UBAP2L: variants seen among roughly 807,000 people sequenced by gnomAD.
UBAP2L encodes ubiquitin-associated protein 2-like.
A neutral mutation model predicts 130.6 loss-of-function variants in UBAP2L; 12 were observed. The observed-to-expected ratio is 0.09, with a 90% confidence interval of 0.06 to 0.15. The LOEUF is 0.15. UBAP2L is among the 10% of genes least tolerant of loss of function. The pLI is 1.00. For missense variants in UBAP2L, 965 were observed against 1,332.5 expected (o/e 0.72, Z 4.29); for synonymous variants, 503 against 524.7 (o/e 0.96, Z 0.57).
chr1:154,245,491 TTG>T (rs1157871321), intron 10 of UBAP2L, among the ~76,000 whole-genome samples: 2 of 152,204 alleles, frequency 1.3e-5, no homozygotes, highest in Non-Finnish European at 2.9e-5. Flanking sequence ...CTAAAGCCAT[TTG>T]AAGATTCCAG....
Position 154,257,199 on chromosome 1 carries a change from G to C in UBAP2L, c.2294G>C (p.Ser765Thr), listed in dbSNP as rs147288097. 3.9e-5 allele frequency: 63 copies of C among 1,614,096 alleles called. No individual in the cohort carries two copies. The highest frequency in any genetic ancestry group is 5.3e-5 in the Non-Finnish European group (63 of 1,180,054). Reference sequence around the variant, plus strand: ...AATAGTGGCAGTAGCCTGGGCCTCAGCCTAGGCAGCAACTCCACTGTCACA... The same window carrying C: ...AATAGTGGCAGTAGCCTGGGCCTCACCCTAGGCAGCAACTCCACTGTCACA... ...SLNSGSSLGL[S>T]LGSNSTVTAS... Residue 765 changes from serine (S) to threonine (T), a missense_variant, in exon 19 of 27, where the codon AGC becomes ACC. Transcript: ENST00000428931.
intron 10 of UBAP2L, among the ~76,000 whole-genome samples, chr1:154,245,163 T>C (rs1340255509): frequency 1.3e-5 from 2 of 152,250 alleles, no homozygotes; most frequent in Non-Finnish European, 2.9e-5. Flanking sequence ...TGACTTCAAG[T>C]ATCCGCCTGC....
intron 15 of UBAP2L, 136 bp downstream of exon 15, chr1:154,254,225 A>T (rs932375302): frequency 2.5e-6 from 2 of 799,904 alleles, no homozygotes; most frequent in African/African-American, 3.6e-5. Flanking sequence ...AAAAAGGCAC[A>T]CATCTGTGGC....
chr1:154,243,187 C>G (rs1459084997), intron 9 of UBAP2L, 30 bp from the exon 10 acceptor site: 1 of 1,587,986 alleles, frequency 6.3e-7, no homozygotes, highest in East Asian at 2.2e-5. Flanking sequence ...ATCCCTGACA[C>G]CAAGAGTGAC....
At chr1:154,245,017 C>T (rs1265091752) in intron 10 of UBAP2L, among the ~76,000 whole-genome samples, 4 of 151,960 alleles carry the variant, frequency 2.6e-5, no homozygotes, top group African/African-American at 9.7e-5. Flanking sequence ...CTGCAACCTC[C>T]GCCTCCCAGG....
chr1:154,234,463 A>G (rs1378262313), intron 4 of UBAP2L, 128 bp from the exon 5 acceptor site: 2 of 885,018 alleles, frequency 2.3e-6, no homozygotes, highest in Non-Finnish European at 3.5e-6. Flanking sequence ...AAAGCAAACT[A>G]ATGGAAGTGT....
chr1:154,220,233 G>A (rs932473761), upstream of UBAP2L: 19 of 1,356,268 alleles, frequency 1.4e-5, 1 homozygote, highest in South Asian at 2.0e-4. Flanking sequence ...GTCAAAGCCC[G>A]GATAGGCGCA....
intron 7 of UBAP2L, 114 bp downstream of exon 7, chr1:154,236,725 T>A: frequency 9.1e-7 from 1 of 1,102,390 alleles, no homozygotes; most frequent in Non-Finnish European, 1.4e-6. Context: ...TATGGGGACT[T>A]AGGGCTCATT....
intron 25 of UBAP2L, 123 bp from the exon 26 acceptor site, chr1:154,268,634 G>A: frequency 1.1e-6 from 1 of 899,574 alleles, no homozygotes; most frequent in Non-Finnish European, 1.8e-6. Context: ...GTGACTTCAA[G>A]TGTACTGTGC....
intron 10 of UBAP2L, among the ~76,000 whole-genome samples, chr1:154,245,253 A>G (rs1208903341): frequency 6.6e-6 from 1 of 152,152 alleles, no homozygotes; most frequent in African/African-American, 2.4e-5. Flanking sequence ...ACCAACCCTC[A>G]TCCTGAAACT....
At position 154,251,637 on chromosome 1, in the gene UBAP2L, T is replaced by A; in HGVS notation, c.1648T>A (p.Tyr550Asn). 1 of 1,614,034 alleles carries A rather than the reference T, an allele frequency of 6.2e-7. No homozygotes were observed. The highest frequency in any genetic ancestry group is 8.5e-7 in the Non-Finnish European group (1 of 1,179,990). The change falls in exon 14 of 27, where the codon TAT becomes AAT. Residue 550 changes from tyrosine (Y) to asparagine (N), a missense_variant. By Grantham distance (143) the Tyr-to-Asn change is moderately radical. Transcript: ENST00000428931. ...ASSSQAPSSL[Y>N]TSTASESSST... ...TTCAAGCCAGGCTCCAAGTAGCCTG[T>A]ATACCAGCACGGCCAGGTAGAGGAA...
rs1674121213 is a variant in UBAP2L at position 154,243,105 on chromosome 1, T to C, written c.757-112T>C. ...TCAGGATTCCTCAGGGTAGATAGTT[T>C]TCTCTTTATAGGGCTTTCACTTTTT... On this transcript the variant is annotated intron_variant, in intron 9 of 26. Coordinates refer to ENST00000428931, the MANE Select transcript of UBAP2L (RefSeq NM_014847.4). 3.7e-6 allele frequency: 3 copies of C among 815,276 alleles called. No individual in the cohort carries two copies. The South Asian group carries it at 4.6e-5, about 12-fold the overall frequency. The allele number at this position is 815,276 out of a possible 1,614,324, so 50.5% of individuals were successfully genotyped here.
chr1:154,256,938 C>T, intron 18 of UBAP2L, 125 bp from the exon 19 acceptor site: 1 of 1,118,772 alleles, frequency 8.9e-7, no homozygotes, highest in South Asian at 1.6e-5. Flanking sequence ...ACCTTGCCTA[C>T]TTGGCCTCTT....
intron 18 of UBAP2L, 110 bp downstream of exon 18, chr1:154,255,865 TAATTG>T (rs1028146441): frequency 7.5e-7 from 1 of 1,334,250 alleles, no homozygotes; most frequent in Admixed American, 1.7e-5. Flanking sequence ...GGTGGCAAAA[TAATTG>T]ATTTGAGGTT....
Position 154,225,068 on chromosome 1 carries a change from C to A in UBAP2L, c.-40-16C>A. Reference sequence around the variant, plus strand: ...TTGCCCACATTTAATACCTAATTTTCTTTTAAATCTTTCAGTATTCTACCT... The same window carrying A: ...TTGCCCACATTTAATACCTAATTTTATTTTAAATCTTTCAGTATTCTACCT... On this transcript the variant is annotated splice_polypyrimidine_tract_variant and intron_variant, in intron 1 of 26. Transcript: ENST00000428931. The A allele has an allele frequency of 6.3e-7, 1 of 1,586,166 alleles. No individual in the cohort carries two copies. Among genetic ancestry groups the A allele is most frequent in the Non-Finnish European group, 8.6e-7 (1 of 1,158,578 alleles).
At chr1:154,229,518 T>A (rs1669109591) in intron 4 of UBAP2L, among the ~76,000 whole-genome samples, 1 of 152,124 alleles carries the variant, frequency 6.6e-6, no homozygotes, top group African/African-American at 2.4e-5. Flanking sequence ...TCTGTGGCCC[T>A]GGCTGGAGTA....
chr1:154,263,654 G>A (rs72696256), intron 24 of UBAP2L: 37 of 440,920 alleles, frequency 8.4e-5, no homozygotes, highest in Non-Finnish European at 1.0e-4. Flanking sequence ...GAAGGTGGGG[G>A]GAGGGGAAAC....
At chr1:154,235,132 T>C (rs1671192449) in intron 5 of UBAP2L, 64 bp from the exon 6 acceptor site, 1 of 706,544 alleles carries the variant, frequency 1.4e-6, no homozygotes, top group Non-Finnish European at 2.6e-6. Flanking sequence ...TTGACTGTGC[T>C]CTGGCCATCT....
At chr1:154,260,065 A>C (rs751573807) in intron 22 of UBAP2L, 36 bp downstream of exon 22, 5 of 1,601,988 alleles carry the variant, frequency 3.1e-6, no homozygotes, top group Admixed American at 1.7e-5. Flanking sequence ...ATAAAAAGGG[A>C]GATAGTGTTG....
Sources: gnomAD v4.1 joint callset for allele counts (sites outside exome capture counted in the v4.1 genomes callset) on GRCh38, gnomAD v4.1.1 for gene constraint, MANE v1.5 for transcripts, NCBI Gene and HGNC (gene_info 2026-07-23, HGNC 2026-07-21) for gene names.